The following USP40 variants were observed in gnomAD, a reference collection of about 807,000 sequenced individuals.
The protein encoded by USP40 is ubiquitin carboxyl-terminal hydrolase 40.
USP40 carries 143 observed loss-of-function variants against 166.2 expected under a neutral mutation model. The ratio of observed to expected loss-of-function variants is 0.86; its 90% CI spans 0.75 to 0.99. The LOEUF is 0.99. Ranked by LOEUF, USP40 falls within the 50% of genes least tolerant of loss-of-function variation. The pLI, the probability that USP40 is intolerant of heterozygous loss-of-function variation, is 0.00. For missense variants in USP40, 1,444 were observed against 1,479.7 expected (o/e 0.98, Z 0.40); for synonymous variants, 498 against 524.0 (o/e 0.95, Z 0.68).
In USP40 at chr2:233,480,618, C is replaced by T. The variant is rs921162275; in HGVS notation, c.3599+585G>A. Reference sequence around the variant, plus strand: ...TGCAGAGCCAGACAACGGCAGGCGGCGCCAGAGCTGGGAGGAGGGAGAGAG... The same window carrying T: ...TGCAGAGCCAGACAACGGCAGGCGGTGCCAGAGCTGGGAGGAGGGAGAGAG... On this transcript the variant is annotated intron_variant, in intron 31 of 31. Transcript: ENST00000678225. This position sits in a 1 kb window ranked among gnomAD's most constrained non-coding sequence, Gnocchi z 4.5. Among the ~76,000 whole-genome samples, 3 of 152,302 alleles carry T rather than the reference C, an allele frequency of 2.0e-5. No homozygotes were observed. The highest frequency in any genetic ancestry group is 6.5e-5 in the Admixed American group (1 of 15,304).
At chr2:233,525,642 C>G (rs181965001) in intron 13 of USP40, 80 bp from the exon 14 acceptor site, 180 of 1,040,528 alleles carry the variant, frequency 1.7e-4, no homozygotes, top group Non-Finnish European at 7.5e-5. Context: ...TGTGCCAACT[C>G]ACATATGAAG....
intron 30 of USP40, among the ~76,000 whole-genome samples, chr2:233,484,412 T>C (rs2064815220): frequency 6.6e-6 from 1 of 152,308 alleles, no homozygotes; most frequent in East Asian, 1.9e-4. Context: ...TATACTGATC[T>C]TGGACCCTTT....
intron 31 of USP40, 146 bp downstream of exon 31, chr2:233,481,057 G>T: frequency 1.4e-6 from 1 of 690,548 alleles, no homozygotes; most frequent in Non-Finnish European, 2.4e-6. Context: ...AACGCAGGGG[G>T]CGGAGAAGGA....
At chr2:233,499,968 C>T in intron 21 of USP40, 53 bp from the exon 22 acceptor site, 1 of 1,534,326 alleles carries the variant, frequency 6.5e-7, no homozygotes, top group Non-Finnish European at 8.9e-7. Context: ...AGTTACAGTT[C>T]TAGGACAAAC....
At chr2:233,543,103 G>A (rs570518527) in intron 8 of USP40, among the ~76,000 whole-genome samples, 1 of 152,180 alleles carries the variant, frequency 6.6e-6, no homozygotes, top group Non-Finnish European at 1.5e-5. Flanking sequence ...ATTTTATGAA[G>A]GTATTGGGGA....
At chr2:233,527,241 A>C (rs1445469363) in intron 13 of USP40, among the ~76,000 whole-genome samples, 166 bp downstream of exon 13, 1 of 152,164 alleles carries the variant, frequency 6.6e-6, no homozygotes, top group Non-Finnish European at 1.5e-5. Flanking sequence ...GCCTCTCTAA[A>C]AGACTTAGGA....
At position 233,481,247 on chromosome 2, in the gene USP40, AG is replaced by A; in HGVS notation, c.3554del (p.Thr1185MetfsTer63). On this transcript the variant is annotated frameshift_variant, in exon 31 of 32. Coordinates refer to ENST00000678225, the MANE Select transcript of USP40 (RefSeq NM_001365479.2). LOFTEE classifies it low-confidence loss of function (END_TRUNC). ...DDDFSTIRDD[T>X]GKEKQKQRAL... ...CCCGTTGTTTCTGCTTTTCTTTTCCAGTGTCATCTCTGATTGTACTGAAATC... is the reference window on the plus strand; with the variant it reads ...CCCGTTGTTTCTGCTTTTCTTTTCCATGTCATCTCTGATTGTACTGAAATC... The A allele has an allele frequency of 1.2e-6, 2 of 1,608,574 alleles. No homozygotes were observed. The highest frequency in any genetic ancestry group is 1.7e-6 in the Non-Finnish European group (2 of 1,177,370).
At chr2:233,556,032 C>A (rs576174652) in intron 5 of USP40, among the ~76,000 whole-genome samples, 2 of 150,798 alleles carry the variant, frequency 1.3e-5, no homozygotes, top group African/African-American at 4.9e-5. Context: ...AGGAGAATGG[C>A]GTGAACCCGG....
chr2:233,480,182 A>C lies in USP40; in HGVS notation c.3599+1021T>G, dbSNP rs930550857. On this transcript the variant is annotated intron_variant, in intron 31 of 31. Coordinates refer to ENST00000678225, the MANE Select transcript of USP40 (RefSeq NM_001365479.2). The surrounding 1 kb of genome is among the most constrained non-coding windows in gnomAD (Gnocchi z 4.5). Reference sequence around the variant, plus strand: ...CCAGACGCCCCCAGTGGCAGAGGGCATGCAGTCCCTGGCACACGGGCAGCC... The same window carrying C: ...CCAGACGCCCCCAGTGGCAGAGGGCCTGCAGTCCCTGGCACACGGGCAGCC... 1.6e-4 allele frequency among the ~76,000 whole-genome samples: 25 copies of C among 152,194 alleles called. No individual in the cohort carries two copies. Among genetic ancestry groups the C allele is most frequent in the African/African-American group, 6.0e-4 (25 of 41,452 alleles).
intron 1 of USP40, among the ~76,000 whole-genome samples, chr2:233,566,182 CG>C: frequency 7.1e-6 from 1 of 141,700 alleles, no homozygotes; most frequent in African/African-American, 2.5e-5. Flanking sequence ...GAGCGGAGGG[CG>C]GGGAAGACTG....
At chr2:233,503,688 A>G (rs1170616166) in intron 21 of USP40, among the ~76,000 whole-genome samples, 1 of 152,182 alleles carries the variant, frequency 6.6e-6, no homozygotes, top group Non-Finnish European at 1.5e-5. Flanking sequence ...CTTCAGAAAT[A>G]AAGGCGAGAT....
At chr2:233,532,515 T>A (rs1362318906) in intron 11 of USP40, among the ~76,000 whole-genome samples, 1 of 152,216 alleles carries the variant, frequency 6.6e-6, no homozygotes, top group Non-Finnish European at 1.5e-5. Flanking sequence ...ATCTGGGCCC[T>A]TGAGCTGCTG....
chr2:233,499,813 A>G, intron 22 of USP40, 66 bp downstream of exon 22: 2 of 1,408,626 alleles, frequency 1.4e-6, no homozygotes, highest in South Asian at 1.3e-5. Context: ...AACCCTGGAG[A>G]AAAAAAAAGT....
At chr2:233,509,461 TC>T (rs1339440777) in intron 21 of USP40, among the ~76,000 whole-genome samples, 4 of 152,196 alleles carry the variant, frequency 2.6e-5, no homozygotes, top group African/African-American at 9.6e-5. Flanking sequence ...TTCATTTTTT[TC>T]TTTTAATCAA....
At chr2:233,487,607 A>T (rs2065023554) in intron 28 of USP40, 1 of 181,812 alleles carries the variant, frequency 5.5e-6, no homozygotes, top group Non-Finnish European at 1.2e-5. Flanking sequence ...TAGGTAGAGC[A>T]AATCTTAATA....
intron 23 of USP40, 59 bp from the exon 24 acceptor site, chr2:233,496,891 A>T (rs2065779188): frequency 2.2e-6 from 3 of 1,343,114 alleles, no homozygotes; most frequent in Non-Finnish European, 2.1e-6. Context: ...CAGATCATTG[A>T]TCTTTTTAAA....
intron 8 of USP40, among the ~76,000 whole-genome samples, chr2:233,547,691 C>T (rs546854189): frequency 6.6e-6 from 1 of 152,322 alleles, no homozygotes; most frequent in Admixed American, 6.5e-5. Context: ...TCCCTCAGAA[C>T]ATCTGCAAAT....
chr2:233,553,140 T>C (rs1419638579), intron 6 of USP40, among the ~76,000 whole-genome samples: 2 of 152,196 alleles, frequency 1.3e-5, no homozygotes, highest in African/African-American at 2.4e-5. Context: ...TATACATACA[T>C]AGACATAGAT....
intron 6 of USP40, among the ~76,000 whole-genome samples, chr2:233,552,898 G>A (rs541258800): frequency 6.6e-6 from 1 of 152,138 alleles, no homozygotes; most frequent in African/African-American, 2.4e-5. Context: ...TGAAGTGACC[G>A]CATAAATATG....
Sources: allele counts gnomAD v4.1 joint callset (sites outside exome capture counted in the v4.1 genomes callset), GRCh38; gene constraint gnomAD v4.1.1; non-coding constraint Gnocchi (gnomAD v3.1); transcripts MANE v1.5; gene names NCBI Gene and HGNC (gene_info 2026-07-23, HGNC 2026-07-21).